The following EVC2 variants were observed in gnomAD, a reference collection of about 807,000 sequenced individuals.
EVC2 encodes the protein limbin.
EVC2 carries 148 observed loss-of-function variants against 149.3 expected under a neutral mutation model. That is an observed-to-expected ratio of 0.99 (90% CI 0.87 to 1.14). The LOEUF (loss-of-function observed/expected upper bound fraction) is 1.14, where lower values mean the gene tolerates loss of function less well. Among genes scored for constraint, EVC2 ranks in the 50% most tolerant of loss-of-function variants. The pLI is 0.00. For synonymous variants in EVC2, 776 were observed against 649.9 expected, an observed-to-expected ratio of 1.19 and a Z score of -2.95; for missense variants, 1,854 against 1,627.3, an observed-to-expected ratio of 1.14 and a Z score of -2.40.
intron 10 of EVC2, among the ~76,000 whole-genome samples, chr4:5,634,022 C>T (rs1270790298): frequency 6.6e-6 from 1 of 152,220 alleles, no homozygotes; most frequent in Non-Finnish European, 1.5e-5. Flanking sequence ...AGGGCCAACA[C>T]ATGGCATCCC....
intron 20 of EVC2, 122 bp downstream of exon 20, chr4:5,568,321 TA>T: frequency 9.8e-7 from 1 of 1,023,476 alleles, no homozygotes; most frequent in Non-Finnish European, 1.4e-6. Context: ...ATTTAAAAAA[TA>T]AATTGGTAAC....
chr4:5,694,310 T>G, intron 3 of EVC2, 25 bp downstream of exon 3: 2 of 1,612,178 alleles, frequency 1.2e-6, no homozygotes, highest in Non-Finnish European at 1.7e-6. Flanking sequence ...GGTATTTGTG[T>G]TAAAGCATTG....
At chr4:5,678,242 T>C (rs756407188) in intron 7 of EVC2, among the ~76,000 whole-genome samples, 1 of 152,164 alleles carries the variant, frequency 6.6e-6, no homozygotes, top group African/African-American at 2.4e-5. Flanking sequence ...AATCTTGGTA[T>C]ATGCCAGGCA....
rs1717208363 is a variant in EVC2, at chr4:5,640,122, A to T, written c.1470+392T>A. Among the ~76,000 whole-genome samples the T allele has an allele frequency of 6.6e-6, 1 of 151,942 alleles. No homozygotes were observed. Among genetic ancestry groups the T allele is most frequent in the South Asian group, 2.1e-4 (1 of 4,814 alleles). On this transcript the variant is annotated intron_variant, in intron 10 of 21. Coordinates refer to ENST00000344408, the MANE Select transcript of EVC2 (RefSeq NM_147127.5). The surrounding 1 kb of genome is among the most constrained non-coding windows in gnomAD (Gnocchi z 4.6). ...TGGGTAGAAGGCTAGATGGGGAATA[A>T]GTGGATGGGTAAATTGTTGGATGGG...
At chr4:5,700,071 C>A (rs1175951180) in intron 1 of EVC2, among the ~76,000 whole-genome samples, 1 of 151,972 alleles carries the variant, frequency 6.6e-6, no homozygotes, top group African/African-American at 2.4e-5. Flanking sequence ...ACCCAGGAGG[C>A]AGAGGTTGCA....
intron 8 of EVC2, among the ~76,000 whole-genome samples, chr4:5,664,118 T>C (rs753373594): frequency 2.0e-5 from 3 of 152,196 alleles, no homozygotes; most frequent in Non-Finnish European, 4.4e-5. Context: ...GTGCTTTCTT[T>C]GTGTTATCAT....
Position 5,614,594 on chromosome 4 carries a change from T to A in EVC2, c.2829+828A>T, listed in dbSNP as rs117314242. The stretch of plus-strand genomic sequence containing the variant: ...GACACAAGTTATTTATCCAGGTAAA[T>A]AGAGGTGGAAAAGTAATTCCACAAA... On this transcript the variant is annotated intron_variant, in intron 16 of 21. Transcript: ENST00000344408. The surrounding 1 kb of genome is among the most constrained non-coding windows in gnomAD (Gnocchi z 4.7). 5.9e-5 allele frequency among the ~76,000 whole-genome samples: 9 copies of A among 152,222 alleles called. No homozygotes were observed. In the East Asian group the frequency reaches 1.7e-3, roughly 29 times the overall value.
intron 1 of EVC2, among the ~76,000 whole-genome samples, chr4:5,700,160 TAAAG>T (rs1051633115): frequency 4.6e-5 from 7 of 151,990 alleles, no homozygotes; most frequent in Non-Finnish European, 1.0e-4. Flanking sequence ...AAAATAAAAA[TAAAG>T]AAATAATAAT....
At chr4:5,619,303 A>T (rs1331978375) in intron 14 of EVC2, among the ~76,000 whole-genome samples, 1 of 152,228 alleles carries the variant, frequency 6.6e-6, no homozygotes, top group Non-Finnish European at 1.5e-5. Context: ...GTAATTAAGA[A>T]GTGAGCTAAG....
At position 5,599,605 on chromosome 4, in the gene EVC2, A is replaced by T. The variant is rs1007419587; in HGVS notation, c.2830-14755T>A. Reference sequence around the variant, plus strand: ...CAGAGGGGGGAGGGATAGCTTTAGGAGATATACCTAATGCGAAATGACGAG... The same window carrying T: ...CAGAGGGGGGAGGGATAGCTTTAGGTGATATACCTAATGCGAAATGACGAG... On this transcript the variant is annotated intron_variant, in intron 16 of 21. Coordinates refer to ENST00000344408, the MANE Select transcript of EVC2 (RefSeq NM_147127.5). 3.3e-5 allele frequency among the ~76,000 whole-genome samples: 5 copies of T among 152,334 alleles called. No individual in the cohort carries two copies. The South Asian group carries it at 1.0e-3, about 32-fold the overall frequency.
chr4:5,665,421 C>G, intron 8 of EVC2, 94 bp downstream of exon 8: 1 of 1,592,022 alleles, frequency 6.3e-7, no homozygotes, highest in African/African-American at 1.3e-5. Context: ...CTCAGCAATG[C>G]TGATGGGGAT....
At chr4:5,623,571 C>T (rs1370706850) in intron 13 of EVC2, among the ~76,000 whole-genome samples, 1 of 152,088 alleles carries the variant, frequency 6.6e-6, no homozygotes, top group African/African-American at 2.4e-5. Flanking sequence ...AACTCCTGAC[C>T]TCAAGTGATC....
chr4:5,530,189 C>G, the EVC2 span, among the ~76,000 whole-genome samples: 1 of 152,278 alleles, frequency 6.6e-6, no homozygotes, highest in East Asian at 1.9e-4. Context: ...AGCATAAGTC[C>G]TTACCTGTAG....
intron 17 of EVC2, among the ~76,000 whole-genome samples, chr4:5,577,746 C>A (rs572765000): frequency 6.6e-6 from 1 of 152,286 alleles, no homozygotes; most frequent in Admixed American, 6.5e-5. Flanking sequence ...GGGTGCTGGG[C>A]CTTCGAGAAC....
chr4:5,693,112 C>G (rs529096279), intron 3 of EVC2, among the ~76,000 whole-genome samples: 4 of 152,208 alleles, frequency 2.6e-5, no homozygotes, highest in African/African-American at 7.2e-5. Context: ...CAAACAATAA[C>G]TGATAAATAC....
chr4:5,633,147 G>T lies in EVC2; in HGVS notation c.1471-1115C>A, dbSNP rs112074786. On this transcript the variant is annotated intron_variant, in intron 10 of 21. Transcript: ENST00000344408. The surrounding 1 kb of genome is among the most constrained non-coding windows in gnomAD (Gnocchi z 4.4). The stretch of plus-strand genomic sequence containing the variant: ...TGGCTTTGAAGAACCAAACAGCCAG[G>T]CTGTAAACTGTCTCCGCAGAAGGGA... 6.6e-6 allele frequency among the ~76,000 whole-genome samples: 1 copy of T among 152,332 alleles called. No homozygotes were observed. Among genetic ancestry groups the T allele is most frequent in the Admixed American group, 6.5e-5 (1 of 15,306 alleles).
chr4:5,537,524 G>C, the EVC2 span, among the ~76,000 whole-genome samples: 1 of 152,146 alleles, frequency 6.6e-6, no homozygotes, highest in Non-Finnish European at 1.5e-5. Flanking sequence ...ATTAGCCATA[G>C]ACTAAACATC....
intron 21 of EVC2, among the ~76,000 whole-genome samples, chr4:5,552,988 G>C (rs1721769998): frequency 6.6e-6 from 1 of 152,200 alleles, no homozygotes; most frequent in African/African-American, 2.4e-5. Context: ...CCTCTGGTGT[G>C]TGATAGATCA....
chr4:5,602,595 C>T (rs1372642466), intron 16 of EVC2, among the ~76,000 whole-genome samples: 1 of 151,658 alleles, frequency 6.6e-6, no homozygotes, highest in East Asian at 1.9e-4. Context: ...AACTAAAGAA[C>T]AATATTAACT....
Sources: allele counts gnomAD v4.1 joint callset (sites outside exome capture counted in the v4.1 genomes callset), GRCh38; gene constraint gnomAD v4.1.1; non-coding constraint Gnocchi (gnomAD v3.1); transcripts MANE v1.5; gene names NCBI Gene and HGNC (gene_info 2026-07-23, HGNC 2026-07-21).